Variants in PCDHA7 observed in about 807,000 individuals in gnomAD.
PCDHA7 encodes the protein protocadherin alpha-7.
Under a neutral mutation model 57.2 loss-of-function variants are expected in PCDHA7, and 37 were observed. That is an observed-to-expected ratio of 0.65 (90% CI 0.50 to 0.85). The LOEUF (loss-of-function observed/expected upper bound fraction) is 0.85. PCDHA7 is among the 40% of genes least tolerant of loss of function. The pLI, the probability that PCDHA7 is intolerant of heterozygous loss-of-function variation, is 0.00. For missense variants in PCDHA7, 1,188 were observed against 1,241.8 expected (o/e 0.96, Z 0.65); for synonymous variants, 553 against 558.8 (o/e 0.99, Z 0.15).
rs2150270222 is a variant in PCDHA7 at position 140,836,801 on chromosome 5, A to C, written c.2355+63A>C. On this transcript the variant is annotated intron_variant, in intron 1 of 3. Coordinates refer to ENST00000525929, the MANE Select transcript of PCDHA7 (RefSeq NM_018910.3). ...ACAATTAGTTCAATTGGTCTCCTTA[A>C]ATTTTCTTTCATAATTTCTTTTTTA... 27 of 1,338,446 alleles carry C rather than the reference A, an allele frequency of 2.0e-5. No homozygotes were observed. In the Admixed American group the frequency reaches 4.4e-4, roughly 22 times the overall value. 82.9% of individuals were successfully genotyped at this position (1,338,446 alleles called of 1,614,324 possible). A position where few individuals can be genotyped will look rare whatever the true frequency, so the allele number is the denominator to read the frequency against.
Position 140,862,324 on chromosome 5 carries a change from T to C in PCDHA7, c.2355+25586T>C, listed in dbSNP as rs536000037. On this transcript the variant is annotated intron_variant, in intron 1 of 3. Coordinates refer to ENST00000525929, the MANE Select transcript of PCDHA7 (RefSeq NM_018910.3). ...TGGGTACCGTCATAGCCCTAATCAGTGTAATTGACCCTAACTTCAGTGCCA... is the reference window on the plus strand; with the variant it reads ...TGGGTACCGTCATAGCCCTAATCAGCGTAATTGACCCTAACTTCAGTGCCA... 7 of 322,970 alleles carry C rather than the reference T, an allele frequency of 2.2e-5. No individual in the cohort carries two copies. In the East Asian group the frequency reaches 4.7e-4, roughly 22 times the overall value. 20.0% of individuals were successfully genotyped at this position (322,970 alleles called of 1,614,324 possible). A position where few individuals can be genotyped will look rare whatever the true frequency, so the allele number is the denominator to read the frequency against.
chr5:140,969,483 G>T (rs531496681), intron 1 of PCDHA7: 15 of 1,462,254 alleles, frequency 1.0e-5, no homozygotes, highest in Non-Finnish European at 1.3e-5. Context: ...ATCATAATCT[G>T]CTATTTCCTC....
At chr5:140,960,903 G>C (rs560284839) in intron 1 of PCDHA7, among the ~76,000 whole-genome samples, 3 of 152,308 alleles carry the variant, frequency 2.0e-5, no homozygotes, top group African/African-American at 7.2e-5. Context: ...GGCATATCTT[G>C]AGTTTCAGAT....
intron 3 of PCDHA7, among the ~76,000 whole-genome samples, chr5:140,985,765 A>G (rs2097169846): frequency 7.8e-6 from 1 of 128,516 alleles, no homozygotes; most frequent in African/African-American, 3.0e-5. Flanking sequence ...TTTTTGAGAC[A>G]GTCTCGCTCT....
chr5:140,877,255 C>A (rs1554169516), intron 1 of PCDHA7: 2 of 1,613,708 alleles, frequency 1.2e-6, no homozygotes, highest in Non-Finnish European at 8.5e-7. Flanking sequence ...GGCGAAAGTG[C>A]GCGCGGTGGA....
intron 1 of PCDHA7, among the ~76,000 whole-genome samples, chr5:140,931,196 A>T (rs1279027493): frequency 1.3e-5 from 2 of 152,182 alleles, no homozygotes; most frequent in Non-Finnish European, 2.9e-5. Flanking sequence ...GTGCACTACA[A>T]TGCTAGTATT....
chr5:140,879,805 A>G (rs992856039), intron 1 of PCDHA7, among the ~76,000 whole-genome samples: 1 of 152,128 alleles, frequency 6.6e-6, no homozygotes, highest in Non-Finnish European at 1.5e-5. Flanking sequence ...TCCAGTTTCT[A>G]TTGGCTGTTG....
At chr5:140,888,557 T>G (rs2153424359) in intron 1 of PCDHA7, among the ~76,000 whole-genome samples, 1 of 152,366 alleles carries the variant, frequency 6.6e-6, no homozygotes, top group East Asian at 1.9e-4. Flanking sequence ...TTTATTCCTT[T>G]CAAGGCTTCA....
In PCDHA7 at chr5:141,009,709, C is replaced by A; in HGVS notation, c.2586C>A (p.Asn862Lys). The A allele has an allele frequency of 6.2e-7, 1 of 1,614,118 alleles. No homozygotes were observed. Among genetic ancestry groups the A allele is most frequent in the Non-Finnish European group, 8.5e-7 (1 of 1,180,024 alleles). Reference sequence around the variant, plus strand: ...GGACCTTTAAATACGGACCAGGCAACCCCAAACAATCCGGTCCCGGTGAGT... The same window carrying A: ...GGACCTTTAAATACGGACCAGGCAAACCCAAACAATCCGGTCCCGGTGAGT... ...NSWTFKYGPG[N>K]PKQSGPGELP... is the part of the protein sequence containing the mutation. The change falls in exon 4 of 4, where the codon AAC (asparagine) becomes AAA (lysine). Residue 862 changes from asparagine (N) to lysine (K), a missense_variant. Physicochemically the swap from Asn to Lys is moderately conservative, Grantham distance 94. Transcript: ENST00000525929.
chr5:140,919,763 A>T (rs2079297949), intron 1 of PCDHA7, among the ~76,000 whole-genome samples: 2 of 152,090 alleles, frequency 1.3e-5, no homozygotes, highest in African/African-American at 4.8e-5. Flanking sequence ...TGCCTTTTGT[A>T]TTACTGTTAC....
intron 1 of PCDHA7, among the ~76,000 whole-genome samples, chr5:140,925,841 C>CT (rs1451775258): frequency 1.3e-5 from 2 of 152,066 alleles, no homozygotes; most frequent in African/African-American, 4.8e-5. Flanking sequence ...GTCGTCAAGT[C>CT]TTTGAGTTTC....
intron 1 of PCDHA7, among the ~76,000 whole-genome samples, chr5:140,955,670 T>C (rs1212129993): frequency 6.6e-6 from 1 of 152,140 alleles, no homozygotes; most frequent in East Asian, 1.9e-4. Flanking sequence ...TTTAACATAG[T>C]TTTTTCGAAA....
chr5:140,935,995 C>T (rs1282709145), intron 1 of PCDHA7, among the ~76,000 whole-genome samples: 7 of 150,888 alleles, frequency 4.6e-5, no homozygotes, highest in South Asian at 2.1e-4. Context: ...CGGGTTCAAG[C>T]GATTCTCCCA....
chr5:140,991,844 C>T (rs892318388), intron 3 of PCDHA7, among the ~76,000 whole-genome samples: 2 of 152,334 alleles, frequency 1.3e-5, no homozygotes, highest in Middle Eastern at 6.8e-3. Flanking sequence ...AACCGCACTT[C>T]CAGATACCAA....
intron 1 of PCDHA7, among the ~76,000 whole-genome samples, chr5:140,956,473 A>G (rs1269855039): frequency 1.1e-4 from 17 of 152,136 alleles, no homozygotes; most frequent in Admixed American, 1.1e-3. Context: ...CATATGTTGA[A>G]CCAGTCTTGC....
chr5:141,010,396 C>A lies in PCDHA7; in HGVS notation c.*459C>A. 7.5e-7 allele frequency: 1 copy of A among 1,337,260 alleles called. No individual in the cohort carries two copies. Among genetic ancestry groups the A allele is most frequent in the Non-Finnish European group, 1.0e-6 (1 of 999,990 alleles). 82.8% of individuals were successfully genotyped at this position (1,337,260 alleles called of 1,614,324 possible). On this transcript the variant is annotated 3_prime_UTR_variant, in exon 4 of 4. Coordinates refer to ENST00000525929, the MANE Select transcript of PCDHA7 (RefSeq NM_018910.3). ...GTGCCAGATATTGGCTGAGACGAGC[C>A]AGCTTAGACTAATTGGTACAAGGAA...
chr5:140,932,703 G>A (rs1218359293), intron 1 of PCDHA7, among the ~76,000 whole-genome samples: 2 of 151,660 alleles, frequency 1.3e-5, no homozygotes, highest in Non-Finnish European at 3.0e-5. Flanking sequence ...AACTCATATA[G>A]ACAACACAAT....
At chr5:140,984,260 A>G (rs2097093759) in intron 3 of PCDHA7, among the ~76,000 whole-genome samples, 1 of 152,172 alleles carries the variant, frequency 6.6e-6, no homozygotes, top group South Asian at 2.1e-4. Context: ...GTAAGCCACA[A>G]ACTAACTTTG....
intron 1 of PCDHA7, among the ~76,000 whole-genome samples, chr5:140,971,892 G>C (rs2096504766): frequency 6.6e-6 from 1 of 151,694 alleles, no homozygotes; most frequent in African/African-American, 2.4e-5. Context: ...AGCTCAGGGA[G>C]GTTAGGTAAT....
Sources: gnomAD v4.1 joint callset for allele counts (sites outside exome capture counted in the v4.1 genomes callset) on GRCh38, gnomAD v4.1.1 for gene constraint, MANE v1.5 for transcripts, NCBI Gene and HGNC (gene_info 2026-07-23, HGNC 2026-07-21) for gene names.